FNTA: variants seen among roughly 807,000 people sequenced by gnomAD.
FNTA encodes the protein protein farnesyltransferase/geranylgeranyltransferase type-1 subunit alpha.
FNTA carries 27 observed loss-of-function variants against 55.2 expected under a neutral mutation model. The ratio of observed to expected loss-of-function variants is 0.49; its 90% CI spans 0.36 to 0.67. The LOEUF is 0.67. FNTA is among the 30% of genes least tolerant of loss of function. The pLI is 0.00. For synonymous variants in FNTA, 176 were observed against 170.7 expected (o/e 1.03, Z -0.24); for missense variants, 422 against 464.7 (o/e 0.91, Z 0.85).
In FNTA at chr8:43,077,326, T is replaced by C. The variant is rs1302919994; in HGVS notation, c.744T>C (p.Thr248=). The C allele has an allele frequency of 1.2e-6, 2 of 1,613,054 alleles. No individual in the cohort carries two copies. Among genetic ancestry groups the C allele is most frequent in the South Asian group, 2.2e-5 (2 of 90,938 alleles). Residue 248 remains threonine, a synonymous_variant, in exon 6 of 9, where the codon ACT becomes ACC. Transcript: ENST00000302279. ...NQRYFVISNT[T]GYNDRAVLER... ...GATACTTCGTTATTTCTAACACCAC[T>C]GGCTACAATGATCGTGCTGTATTGG... is the stretch of plus-strand genomic sequence containing the variant.
intron 5 of FNTA, among the ~76,000 whole-genome samples, chr8:43,076,299 C>T (rs1370406923): frequency 2.0e-5 from 3 of 152,076 alleles, no homozygotes; most frequent in Non-Finnish European, 4.4e-5. Context: ...CCACCTCGAC[C>T]TCCCAAAGTG....
intron 4 of FNTA, 126 bp downstream of exon 4, chr8:43,069,785 C>T: frequency 1.6e-6 from 1 of 615,910 alleles, no homozygotes. Context: ...GCTGGGATTA[C>T]AGGTGCACGC....
At chr8:43,058,850 T>C (rs372950687) in intron 1 of FNTA, 2 of 368,652 alleles carry the variant, frequency 5.4e-6, no homozygotes, top group Non-Finnish European at 9.6e-6. Context: ...AACTTTAAAT[T>C]TGAAAACTGT....
At chr8:43,071,465 G>GT (rs1810788874) in intron 4 of FNTA, among the ~76,000 whole-genome samples, 1 of 152,132 alleles carries the variant, frequency 6.6e-6, no homozygotes, top group Non-Finnish European at 1.5e-5. Context: ...GAGGGCAGGA[G>GT]TTTGAGACCT....
intron 2 of FNTA, among the ~76,000 whole-genome samples, chr8:43,060,817 A>T (rs200874990): frequency 6.6e-6 from 1 of 152,200 alleles, no homozygotes; most frequent in East Asian, 1.9e-4. Context: ...AGAAACCATG[A>T]GCAAGTTAAA....
At chr8:43,061,798 C>T (rs150879090) in intron 2 of FNTA, among the ~76,000 whole-genome samples, 255 of 152,072 alleles carry the variant, frequency 1.7e-3, no homozygotes, top group African/African-American at 5.9e-3. Flanking sequence ...TGGCTCACCG[C>T]GACCTCCGCC....
In FNTA at chr8:43,072,372, T is replaced by C. The variant is rs546853494; in HGVS notation, c.633+65T>C. On this transcript the variant is annotated intron_variant, in intron 5 of 8. Transcript: ENST00000302279. The stretch of plus-strand genomic sequence containing the variant: ...TTAACTGAACTAAATAAAATTACTC[T>C]TAAAGTCTGTTTCTAAACCAAAACA... The C allele has an allele frequency of 2.4e-6, 3 of 1,249,722 alleles. No individual in the cohort carries two copies. The South Asian group carries it at 5.5e-5, about 23-fold the overall frequency. 77.4% of individuals were successfully genotyped at this position (1,249,722 alleles called of 1,614,324 possible).
intron 5 of FNTA, among the ~76,000 whole-genome samples, chr8:43,074,568 C>CT (rs1810866999): frequency 6.6e-6 from 1 of 151,530 alleles, no homozygotes; most frequent in African/African-American, 2.4e-5. Flanking sequence ...CACACACACA[C>CT]ACTACTACTC....
chr8:43,083,051 A>G, intron 6 of FNTA, 67 bp from the exon 7 acceptor site: 3 of 1,050,834 alleles, frequency 2.9e-6, no homozygotes, highest in Non-Finnish European at 4.2e-6. Context: ...GTTTCAGAAA[A>G]AAAAAAAAAC....
chr8:43,077,089 A>G, intron 5 of FNTA, 127 bp from the exon 6 acceptor site: 2 of 545,840 alleles, frequency 3.7e-6, no homozygotes, highest in South Asian at 3.7e-5. Flanking sequence ...AGCTATCACT[A>G]CCTTCTGAAT....
chr8:43,069,116 T>A (rs767046304), intron 3 of FNTA, among the ~76,000 whole-genome samples: 1 of 151,224 alleles, frequency 6.6e-6, no homozygotes, highest in Non-Finnish European at 1.5e-5. Context: ...TATGTATAAT[T>A]TTTTTTTTGG....
intron 3 of FNTA, among the ~76,000 whole-genome samples, chr8:43,066,241 T>C (rs947979635): frequency 6.7e-5 from 10 of 150,256 alleles, no homozygotes; most frequent in Non-Finnish European, 1.5e-4. Flanking sequence ...GGGGGAGCTG[T>C]TTTTTTGTTC....
intron 3 of FNTA, among the ~76,000 whole-genome samples, chr8:43,065,481 G>A (rs1303796425): frequency 6.6e-6 from 1 of 151,896 alleles, no homozygotes; most frequent in Non-Finnish European, 1.5e-5. Flanking sequence ...TCCTGACCTC[G>A]GGTGATCCAC....
chr8:43,082,608 T>C (rs1811047476), intron 6 of FNTA: 1 of 152,226 alleles, frequency 6.6e-6, no homozygotes, highest in Admixed American at 6.5e-5. Flanking sequence ...TAGATTAGTT[T>C]TGTGTCCTTC....
rs554508647 is a variant in FNTA at position 43,068,383 on chromosome 8, C to T, written c.402-1172C>T. Among the ~76,000 whole-genome samples, 12 of 152,264 alleles carry T rather than the reference C, an allele frequency of 7.9e-5. No homozygotes were observed. In the South Asian group the frequency reaches 1.7e-3, roughly 21 times the overall value. ...TGAAGTAAAACTAGACCAGAACTAA[C>T]GACGTCTTTAGGAAAATTCCTTTTG... On this transcript the variant is annotated intron_variant, in intron 3 of 8. Coordinates refer to ENST00000302279, the MANE Select transcript of FNTA (RefSeq NM_002027.3).
chr8:43,064,458 G>A (rs1398421922), intron 3 of FNTA, among the ~76,000 whole-genome samples: 9 of 151,734 alleles, frequency 5.9e-5, no homozygotes, highest in Non-Finnish European at 1.0e-4. Context: ...GATTACGGGC[G>A]CCCACCACCA....
At chr8:43,071,681 C>T (rs1810793145) in intron 4 of FNTA, among the ~76,000 whole-genome samples, 3 of 143,970 alleles carry the variant, frequency 2.1e-5, no homozygotes, top group African/African-American at 5.2e-5. Flanking sequence ...GGAACAAGAG[C>T]GAGACTTCGT....
intron 3 of FNTA, among the ~76,000 whole-genome samples, chr8:43,065,953 C>A (rs1030727722): frequency 4.0e-5 from 6 of 151,228 alleles, no homozygotes; most frequent in Non-Finnish European, 8.8e-5. Context: ...TTTTCTGTTT[C>A]TCTTAGCTTC....
At chr8:43,070,358 T>C (rs1414766122) in intron 4 of FNTA, 2 of 152,096 alleles carry the variant, frequency 1.3e-5, no homozygotes, top group Admixed American at 1.3e-4. Flanking sequence ...ACTTTACCAT[T>C]GTAGCCTGTT....
Sources: allele counts gnomAD v4.1 joint callset (sites outside exome capture counted in the v4.1 genomes callset), GRCh38; gene constraint gnomAD v4.1.1; transcripts MANE v1.5; gene names NCBI Gene and HGNC (gene_info 2026-07-23, HGNC 2026-07-21).